Variants in UGT2B17 observed in about 807,000 individuals in gnomAD.
UGT2B17 encodes UDP-glucuronosyltransferase 2B17.
UGT2B17 carries 21 observed loss-of-function variants against 48.2 expected under a neutral mutation model. The ratio of observed to expected loss-of-function variants is 0.44; its 90% confidence interval spans 0.31 to 0.63. The LOEUF (loss-of-function observed/expected upper bound fraction) is 0.63. Ranked by LOEUF, UGT2B17 falls within the 20% of genes least tolerant of loss-of-function variation. The pLI is 0.08. For synonymous variants in UGT2B17, 146 were observed against 238.4 expected, an observed-to-expected ratio of 0.61 and a Z score of 3.57; for missense variants, 402 against 696.1, an observed-to-expected ratio of 0.58 and a Z score of 4.75.
intron 5 of UGT2B17, 74 bp downstream of exon 5, chr4:68,551,750 G>C: frequency 2.0e-6 from 2 of 979,000 alleles, no homozygotes; most frequent in Non-Finnish European, 2.7e-6. Context: ...AAATATGTTT[G>C]TTTTATGTTG....
chr4:68,573,287 C>T lies in UGT2B17; in HGVS notation c.-65+2664G>A, dbSNP rs1731322335. Among the ~76,000 whole-genome samples the T allele has an allele frequency of 1.6e-5, 2 of 126,372 alleles. 1 individual carries two copies. The highest frequency in any genetic ancestry group is 3.4e-5 in the Non-Finnish European group (2 of 59,654). 82.9% of individuals were successfully genotyped at this position (126,372 alleles called of 152,430 possible). ...CCTCCAGTCTGGGTTAAAACTCCAA[C>T]TGCCATTTTTTTCTCTTTCTGACAC... On this transcript the variant is annotated intron_variant, in intron 1 of 6. Transcript: ENST00000317746.
chr4:68,565,454 G>A (rs1731180209), intron 3 of UGT2B17, 118 bp downstream of exon 3: 4 of 946,122 alleles, frequency 4.2e-6, no homozygotes, highest in Non-Finnish European at 5.6e-6. Flanking sequence ...CTAATGGCAA[G>A]TCCTTTTTTT....
chr4:68,574,175 C>T (rs1040807454), intron 1 of UGT2B17, among the ~76,000 whole-genome samples: 2 of 127,006 alleles, frequency 1.6e-5, no homozygotes, highest in Non-Finnish European at 3.3e-5. Context: ...TGTTTTAAGT[C>T]TTTAACTTTT....
intron 6 of UGT2B17, among the ~76,000 whole-genome samples, chr4:68,548,575 T>TA (rs1316042167): frequency 8.0e-6 from 1 of 124,736 alleles, no homozygotes; most frequent in Non-Finnish European, 1.7e-5. Context: ...TAAAGTATAA[T>TA]AAAAAAAATT....
rs151230243 is a variant in UGT2B17 at position 68,552,620 on chromosome 4, G to A, written c.1006-709C>T. The stretch of plus-strand genomic sequence containing the variant: ...CTGAGACCTGCCTCAGATATTCAGG[G>A]TTCACATTTTGGTAACCATGAAGAG... On this transcript the variant is annotated intron_variant, in intron 4 of 6. Transcript: ENST00000317746. Among the ~76,000 whole-genome samples, 3 of 124,952 alleles carry A rather than the reference G, an allele frequency of 2.4e-5. 1 individual carries two copies. The highest frequency in any genetic ancestry group is 5.1e-5 in the Non-Finnish European group (3 of 59,188). The allele number at this position is 124,952 out of a possible 152,430, so 82.0% of individuals were successfully genotyped here. A position where few individuals can be genotyped will look rare whatever the true frequency, so the allele number is the denominator to read the frequency against.
Position 68,540,546 on chromosome 4 carries a change from C to T in UGT2B17, c.1314-2642G>A, listed in dbSNP as rs1730636665. ...ACTATGTTGGCCAGGAGTATGGTCT[C>T]GATCTCTTGACCTCGTGATCTGCCC... On this transcript the variant is annotated intron_variant, in intron 6 of 6. Coordinates refer to ENST00000317746, the MANE Select transcript of UGT2B17 (RefSeq NM_001077.4). Among the ~76,000 whole-genome samples the T allele has an allele frequency of 1.6e-5, 2 of 126,640 alleles. 1 individual carries two copies. The highest frequency in any genetic ancestry group is 1.6e-4 in the Admixed American group (2 of 12,406). 83.1% of individuals were successfully genotyped at this position (126,640 alleles called of 152,430 possible). A position where few individuals can be genotyped will look rare whatever the true frequency, so the allele number is the denominator to read the frequency against.
At position 68,550,855 on chromosome 4, in the gene UGT2B17, T is replaced by G; in HGVS notation, c.1135A>C (p.Asn379His). The change falls in exon 6 of 7, where the codon AAT (asparagine) becomes CAT (histidine). Residue 379 changes from asparagine to histidine, a missense_variant. Physicochemically the swap from Asn to His is moderately conservative, Grantham distance 68. Around this residue, in one of 5 missense-constraint regions of UGT2B17, gnomAD observed 156 missense variants for 258.6 expected, o/e 0.60. Coordinates refer to ENST00000317746, the MANE Select transcript of UGT2B17 (RefSeq NM_001077.4). ...TKAFITHGGT[N>H]GIYEAIYHGI... The stretch of plus-strand genomic sequence containing the variant: ...TGGTAGATTGCCTCATAGATGCCAT[T>G]GGTTCCACCATGAGTTATAAAAGCT... The G allele has an allele frequency of 7.3e-7, 1 of 1,376,392 alleles. No individual in the cohort carries two copies. Among genetic ancestry groups the G allele is most frequent in the Non-Finnish European group, 9.5e-7 (1 of 1,056,854 alleles). 85.3% of individuals were successfully genotyped at this position (1,376,392 alleles called of 1,614,324 possible).
At chr4:68,541,596 C>T (rs1730657965) in intron 6 of UGT2B17, among the ~76,000 whole-genome samples, 1 of 125,792 alleles carries the variant, frequency 7.9e-6, no homozygotes, top group African/African-American at 2.7e-5. Flanking sequence ...CTGTAGGTTG[C>T]CTGTGCCCTC....
In UGT2B17 at chr4:68,566,383, C is replaced by G. The variant is rs1578172296; in HGVS notation, c.725-663G>C. On this transcript the variant is annotated intron_variant, in intron 2 of 6. Transcript: ENST00000317746. The stretch of plus-strand genomic sequence containing the variant: ...TAAGTCACTAATATGGTTTGACTGT[C>G]CCCACCCAAATCTCCTCTCATCTTG... 2.6e-5 allele frequency among the ~76,000 whole-genome samples: 3 copies of G among 117,312 alleles called. No individual in the cohort carries two copies. In the Admixed American group the frequency reaches 2.8e-4, roughly 11 times the overall value. The allele number at this position is 117,312 out of a possible 152,430, so 77.0% of individuals were successfully genotyped here.
Position 68,542,036 on chromosome 4 carries a change from G to C in UGT2B17, c.1314-4132C>G, listed in dbSNP as rs943313658. Among the ~76,000 whole-genome samples the C allele has an allele frequency of 2.4e-5, 3 of 124,742 alleles. 1 individual carries two copies. Among genetic ancestry groups the C allele is most frequent in the Non-Finnish European group, 5.1e-5 (3 of 59,146 alleles). 81.8% of individuals were successfully genotyped at this position (124,742 alleles called of 152,430 possible). ...TTTTGTTCCAGTACTATGCTGGTTT[G>C]GTTACTGTAAGGTGTAAGGAAGGGA... On this transcript the variant is annotated intron_variant, in intron 6 of 6. Transcript: ENST00000317746.
intron 4 of UGT2B17, among the ~76,000 whole-genome samples, chr4:68,555,152 G>T (rs1335702010): frequency 8.0e-6 from 1 of 125,354 alleles, no homozygotes; most frequent in Non-Finnish European, 1.7e-5. Context: ...ATTAAGACTT[G>T]CCAGCATACA....
rs1232893147 is a variant in UGT2B17 at position 68,552,828 on chromosome 4, CT to C, written c.1006-918del. Among the ~76,000 whole-genome samples, 33 of 123,050 alleles carry C rather than the reference CT, an allele frequency of 2.7e-4. 10 individuals are homozygous for C. The South Asian group carries it at 0.012, about 45-fold the overall frequency. The allele number at this position is 123,050 out of a possible 152,430, so 80.7% of individuals were successfully genotyped here. Reference sequence around the variant, plus strand: ...AAAAGTTTATTTTGCTGTACAACTCCTTTTTTTTTGTTTTTTATTTTTTTTT... The same window carrying C: ...AAAAGTTTATTTTGCTGTACAACTCCTTTTTTTTGTTTTTTATTTTTTTTT... On this transcript the variant is annotated intron_variant, in intron 4 of 6. Coordinates refer to ENST00000317746, the MANE Select transcript of UGT2B17 (RefSeq NM_001077.4).
In UGT2B17 at chr4:68,555,788, CA is replaced by C. The variant is rs1240429082; in HGVS notation, c.1006-3878del. On this transcript the variant is annotated intron_variant, in intron 4 of 6. Transcript: ENST00000317746. ...AAAATTTGTAGGAAAACATTCTTTC[CA>C]AAAAAAAGTGCATCTTTTTTAAAAA... Among the ~76,000 whole-genome samples, 7 of 122,076 alleles carry C rather than the reference CA, an allele frequency of 5.7e-5. 1 individual carries two copies. The highest frequency in any genetic ancestry group is 1.0e-4 in the Non-Finnish European group (6 of 57,910). 80.1% of individuals were successfully genotyped at this position (122,076 alleles called of 152,430 possible). A position where few individuals can be genotyped will look rare whatever the true frequency, so the allele number is the denominator to read the frequency against.
rs1458012215 is a variant in UGT2B17, at chr4:68,546,523, G to T, written c.1313+4154C>A. ...CCCTTTGAAGACTGGTACAAGACAG[G>T]GATGCCCTCTCTCACCACTCCTATT... On this transcript the variant is annotated intron_variant, in intron 6 of 6. Coordinates refer to ENST00000317746, the MANE Select transcript of UGT2B17 (RefSeq NM_001077.4). 1.0e-4 allele frequency among the ~76,000 whole-genome samples: 13 copies of T among 126,004 alleles called. 4 individuals carry two copies. The highest frequency in any genetic ancestry group is 3.3e-4 in the Admixed American group (4 of 12,272). 82.7% of individuals were successfully genotyped at this position (126,004 alleles called of 152,430 possible). A position where few individuals can be genotyped will look rare whatever the true frequency, so the allele number is the denominator to read the frequency against.
chr4:68,562,211 G>A (rs186022482), intron 3 of UGT2B17, among the ~76,000 whole-genome samples: 2,483 of 124,186 alleles, frequency 0.02, 550 homozygotes, highest in East Asian at 0.056. Flanking sequence ...TGCCTCCCAG[G>A]TTCAAGCAAT....
At chr4:68,556,548 A>G (rs1214159739) in intron 4 of UGT2B17, among the ~76,000 whole-genome samples, 1 of 125,916 alleles carries the variant, frequency 7.9e-6, no homozygotes, top group African/African-American at 2.7e-5. Context: ...TGCATAAATT[A>G]ATCATTAATG....
At chr4:68,538,463 A>T (rs1378643959) in intron 6 of UGT2B17, among the ~76,000 whole-genome samples, 1 of 123,614 alleles carries the variant, frequency 8.1e-6, no homozygotes, top group Non-Finnish European at 1.7e-5. Flanking sequence ...CTCATCTGGA[A>T]CTCCTGTGGT....
rs535835561 is a variant in UGT2B17, at chr4:68,559,749, C to T, written c.1005+788G>A. ...CTACCATGTTTATTTATAGTTCCTG[C>T]TCCTTCCTCAATGTGGAGAAGGCAC... is the stretch of plus-strand genomic sequence containing the variant. On this transcript the variant is annotated intron_variant, in intron 4 of 6. Coordinates refer to ENST00000317746, the MANE Select transcript of UGT2B17 (RefSeq NM_001077.4). Among the ~76,000 whole-genome samples, 17 of 125,848 alleles carry T rather than the reference C, an allele frequency of 1.4e-4. 6 individuals are homozygous for T. In the South Asian group the frequency reaches 6.3e-3, roughly 46 times the overall value. The allele number at this position is 125,848 out of a possible 152,430, so 82.6% of individuals were successfully genotyped here. A position where few individuals can be genotyped will look rare whatever the true frequency, so the allele number is the denominator to read the frequency against.
chr4:68,565,638 G>C lies in UGT2B17; in HGVS notation c.807C>G (p.Arg269=), dbSNP rs374235916. ...CAAAATCAACATTTGGTAAGAATGGGCGAGGAAATTCAAAATCCCAATAGG... is the reference window on the plus strand; with the variant it reads ...CAAAATCAACATTTGGTAAGAATGGCCGAGGAAATTCAAAATCCCAATAGG... The part of the protein sequence containing the change: ...IRTYWDFEFP[R]PFLPNVDFVG... Residue 269 remains arginine, a synonymous_variant, in exon 3 of 7, where the codon CGC becomes CGG. Coordinates refer to ENST00000317746, the MANE Select transcript of UGT2B17 (RefSeq NM_001077.4). 1 of 1,369,936 alleles carries C rather than the reference G, an allele frequency of 7.3e-7. No homozygotes were observed. The highest frequency in any genetic ancestry group is 9.5e-7 in the Non-Finnish European group (1 of 1,050,552). The allele number at this position is 1,369,936 out of a possible 1,614,324, so 84.9% of individuals were successfully genotyped here. A position where few individuals can be genotyped will look rare whatever the true frequency, so the allele number is the denominator to read the frequency against.
Sources: gnomAD v4.1 joint callset for allele counts (sites outside exome capture counted in the v4.1 genomes callset) on GRCh38, gnomAD v4.1.1 for gene constraint, gnomAD v4.1.1 regional missense constraint, MANE v1.5 for transcripts, NCBI Gene and HGNC (gene_info 2026-07-23, HGNC 2026-07-21) for gene names.